STRAP: variants seen among roughly 807,000 people sequenced by gnomAD.
The protein encoded by STRAP is serine-threonine kinase receptor-associated protein.
In STRAP, 16 loss-of-function variants were observed where a neutral mutation model predicts 47.0. The observed-to-expected ratio is 0.34, with a 90% CI of 0.23 to 0.52. The LOEUF (loss-of-function observed/expected upper bound fraction) is 0.52, where lower values mean the gene tolerates loss of function less well. Among genes scored for constraint, STRAP ranks in the 20% least tolerant of loss-of-function variants. The pLI, the probability that STRAP is intolerant of heterozygous loss-of-function variation, is 0.96. For missense variants in STRAP, 293 were observed against 420.0 expected (o/e 0.70, Z 2.64); for synonymous variants, 130 against 142.7 (o/e 0.91, Z 0.63).
chr12:15,884,038 C>T (rs192376850), intron 2 of STRAP, among the ~76,000 whole-genome samples: 79 of 152,224 alleles, frequency 5.2e-4, no homozygotes, highest in Middle Eastern at 3.4e-3. Flanking sequence ...ATTTCAATCC[C>T]GGTTTTTGTT....
rs569589714 is a variant in STRAP at position 15,882,411 on chromosome 12, G to T, written c.-297G>T. 5 of 478,084 alleles carry T rather than the reference G, an allele frequency of 1.0e-5. No homozygotes were observed. In the East Asian group the frequency reaches 1.1e-4, roughly 11 times the overall value. The allele number at this position is 478,084 out of a possible 1,614,324, so 29.6% of individuals were successfully genotyped here. ...ACGTCGTCACTTCCTGCCGATGCCG[G>T]TGTGGACGCTGTGAATCGTGGCTGG... is the stretch of plus-strand genomic sequence containing the variant. On this transcript the variant is annotated 5_prime_UTR_variant, in exon 1 of 10. Coordinates refer to ENST00000419869, the MANE Select transcript of STRAP (RefSeq NM_007178.4).
At chr12:15,882,976 A>AGT in intron 1 of STRAP, 157 bp downstream of exon 1, 1 of 1,383,022 alleles carries the variant, frequency 7.2e-7, no homozygotes, top group Non-Finnish European at 9.9e-7. Flanking sequence ...TGGAGAAAGG[A>AGT]GTGTGTTAGG....
rs73057110 is a variant in STRAP at position 15,901,950 on chromosome 12, G to C, written c.991+938G>C. ...AGAGTGAACATAAACCAGTTAGGGG[G>C]CATTGTAGTCTAGATGAGTGATCAT... On this transcript the variant is annotated intron_variant, in intron 9 of 9. Transcript: ENST00000419869. Among the ~76,000 whole-genome samples the C allele has an allele frequency of 3.8e-3, 581 of 151,716 alleles. 5 individuals carry two copies. The highest frequency in any genetic ancestry group is 0.017 in the South Asian group (82 of 4,820).
At chr12:15,883,429 CT>C in intron 1 of STRAP, 111 bp from the exon 2 acceptor site, 1 of 1,258,820 alleles carries the variant, frequency 7.9e-7, no homozygotes, top group Non-Finnish European at 1.1e-6. Flanking sequence ...AGTTAAATAG[CT>C]GAAACAATTT....
At chr12:15,895,199 C>T (rs1019443805) in intron 5 of STRAP, among the ~76,000 whole-genome samples, 160 bp from the exon 6 acceptor site, 7 of 152,062 alleles carry the variant, frequency 4.6e-5, no homozygotes, top group African/African-American at 1.4e-4. Context: ...ATATAGAAAC[C>T]CAGAATTTTT....
intron 6 of STRAP, among the ~76,000 whole-genome samples, chr12:15,897,564 A>G (rs2136112627): frequency 6.6e-6 from 1 of 152,286 alleles, no homozygotes; most frequent in Non-Finnish European, 1.5e-5. Context: ...TTTATTTAAG[A>G]GCAAAAATCC....
At chr12:15,884,764 T>A (rs1039734849) in intron 2 of STRAP, among the ~76,000 whole-genome samples, 4 of 152,126 alleles carry the variant, frequency 2.6e-5, no homozygotes, top group African/African-American at 4.8e-5. Flanking sequence ...GGTGTTTTTT[T>A]ATTTTTCTTT....
chr12:15,894,706 GC>G lies in STRAP; in HGVS notation c.500+564del, dbSNP rs558210887. Among the ~76,000 whole-genome samples the G allele has an allele frequency of 2.5e-4, 38 of 152,254 alleles. 1 individual carries two copies. The South Asian group carries it at 7.9e-3, about 32-fold the overall frequency. ...ATGCTTAAAGGAAATGCTCATTGGA[GC>G]ATTTTGAATTTCCTATTTTCAGGTT... On this transcript the variant is annotated intron_variant, in intron 5 of 9. Transcript: ENST00000419869. The surrounding 1 kb of genome is among the most constrained non-coding windows in gnomAD (Gnocchi z 4.9).
chr12:15,893,594 T>A (rs1186661017), intron 4 of STRAP, among the ~76,000 whole-genome samples: 1 of 147,566 alleles, frequency 6.8e-6, no homozygotes, highest in Non-Finnish European at 1.5e-5. Context: ...TTTTATATTA[T>A]ACAATAATAT....
chr12:15,901,543 C>G (rs1437065799), intron 9 of STRAP, among the ~76,000 whole-genome samples: 2 of 152,106 alleles, frequency 1.3e-5, no homozygotes. Context: ...GCTGGAGAAG[C>G]TAGATCATCT....
chr12:15,892,710 C>T (rs950977423), intron 4 of STRAP, among the ~76,000 whole-genome samples: 4 of 152,132 alleles, frequency 2.6e-5, no homozygotes, highest in Non-Finnish European at 4.4e-5. Flanking sequence ...TTTTTTTATT[C>T]TCCATTGCAT....
intron 2 of STRAP, among the ~76,000 whole-genome samples, chr12:15,885,089 A>G (rs2136107233): frequency 6.6e-6 from 1 of 151,406 alleles, no homozygotes; most frequent in South Asian, 2.1e-4. Flanking sequence ...GGAATTTGAC[A>G]CTTCATTGTT....
Position 15,894,971 on chromosome 12 carries a change from A to C in STRAP, c.501-388A>C, listed in dbSNP as rs1318790965. Among the ~76,000 whole-genome samples the C allele has an allele frequency of 6.6e-6, 1 of 152,194 alleles. No individual in the cohort carries two copies. Among genetic ancestry groups the C allele is most frequent in the Non-Finnish European group, 1.5e-5 (1 of 68,036 alleles). On this transcript the variant is annotated intron_variant, in intron 5 of 9. Coordinates refer to ENST00000419869, the MANE Select transcript of STRAP (RefSeq NM_007178.4). This position sits in a 1 kb window ranked among gnomAD's most constrained non-coding sequence, Gnocchi z 4.9. ...CATGAAGCCTCTGAAATTCTATACA[A>C]AATCTTGTGTGCTGACACCTGATGT...
intron 9 of STRAP, among the ~76,000 whole-genome samples, chr12:15,902,026 G>GAGT (rs1483284845): frequency 6.6e-6 from 1 of 152,072 alleles, no homozygotes; most frequent in Non-Finnish European, 1.5e-5. Flanking sequence ...GCCCAGGCTG[G>GAGT]AGTGCAGTGG....
At position 15,890,548 on chromosome 12, in the gene STRAP, A is replaced by G; in HGVS notation, c.331-49A>G. 1 of 1,450,796 alleles carries G rather than the reference A, an allele frequency of 6.9e-7. No individual in the cohort carries two copies. Among genetic ancestry groups the G allele is most frequent in the East Asian group, 2.3e-5 (1 of 43,698 alleles). The allele number at this position is 1,450,796 out of a possible 1,614,324, so 89.9% of individuals were successfully genotyped here. The stretch of plus-strand genomic sequence containing the variant: ...TTTGGTGTTGAAATTTGAAAGAGAA[A>G]TAACTATTAAAATGGTTAATCTATT... On this transcript the variant is annotated intron_variant, in intron 3 of 9. Coordinates refer to ENST00000419869, the MANE Select transcript of STRAP (RefSeq NM_007178.4). This position sits in a 1 kb window ranked among gnomAD's most constrained non-coding sequence, Gnocchi z 4.5.
chr12:15,898,099 TATATGTTAC>T, intron 7 of STRAP, 81 bp downstream of exon 7: 2 of 1,240,034 alleles, frequency 1.6e-6, no homozygotes, highest in Non-Finnish European at 2.2e-6. Flanking sequence ...TATATATATA[TATATGTTAC>T]ATATATATGT....
chr12:15,899,519 GATTCCCTGAGAA>G (rs1304452856), intron 7 of STRAP, among the ~76,000 whole-genome samples: 1 of 152,158 alleles, frequency 6.6e-6, no homozygotes, highest in Admixed American at 6.5e-5. Context: ...AATAAAAATT[GATTCCCTGAGAA>G]ATAGGCAGTG....
Position 15,902,977 on chromosome 12 carries a change from G to T in STRAP, c.1052G>T (p.Ter351LeuextTer64). Residue 351 changes from the stop codon to leucine, a stop_lost, in exon 10 of 10, where the codon TGA becomes TTA. Transcript: ENST00000419869. ...CCTTCAGCTCCTGATGTTAAGGCCT[G>T]AGCGTCAATCATATGTGCAGTTAGT... ...IFPSAPDVKA[*>L] The T allele has an allele frequency of 7.0e-7, 1 of 1,422,196 alleles. No homozygotes were observed. The allele number at this position is 1,422,196 out of a possible 1,614,324, so 88.1% of individuals were successfully genotyped here. A position where few individuals can be genotyped will look rare whatever the true frequency, so the allele number is the denominator to read the frequency against.
rs950226715 is a variant in STRAP, at chr12:15,898,367, C to T, written c.775+349C>T. On this transcript the variant is annotated intron_variant, in intron 7 of 9. Transcript: ENST00000419869. ...TATGCTAAACACATGCAAGGAGATC[C>T]GTTCTTTCTGAACTATGTTGTGGGT... is the stretch of plus-strand genomic sequence containing the variant. 4.3e-5 allele frequency: 7 copies of T among 164,352 alleles called. No individual in the cohort carries two copies. In the East Asian group the frequency reaches 7.4e-4, roughly 17 times the overall value. The allele number at this position is 164,352 out of a possible 1,614,324, so 10.2% of individuals were successfully genotyped here.
Sources: gnomAD v4.1 joint callset for allele counts (sites outside exome capture counted in the v4.1 genomes callset) on GRCh38, gnomAD v4.1.1 for gene constraint, Gnocchi (gnomAD v3.1) non-coding constraint, MANE v1.5 for transcripts, NCBI Gene and HGNC (gene_info 2026-07-23, HGNC 2026-07-21) for gene names.